TANC2: variants seen among roughly 807,000 people sequenced by gnomAD.
TANC2 encodes protein TANC2.
TANC2 carries 26 observed loss-of-function variants against 210.5 expected under a neutral mutation model. The ratio of observed to expected loss-of-function variants is 0.12; its 90% CI spans 0.09 to 0.17. TANC2 has a LOEUF of 0.17. Ranked by LOEUF, TANC2 falls within the 10% of genes least tolerant of loss-of-function variation. The pLI is 1.00. For missense variants in TANC2, 2,129 were observed against 2,608.9 expected (o/e 0.82, Z 4.01); for synonymous variants, 931 against 967.1 (o/e 0.96, Z 0.69).
At position 63,418,285 on chromosome 17, in the gene TANC2, T is replaced by C; in HGVS notation, c.4168-22T>C. Reference sequence around the variant, plus strand: ...TTTTATATCTCATCAATGACTCATTTGCACACCTATTGTAATGACAGGATT... The same window carrying C: ...TTTTATATCTCATCAATGACTCATTCGCACACCTATTGTAATGACAGGATT... On this transcript the variant is annotated intron_variant, in intron 26 of 27. Transcript: ENST00000689528. The surrounding 1 kb of genome is among the most constrained non-coding windows in gnomAD (Gnocchi z 4.6). 1 of 1,604,966 alleles carries C rather than the reference T, an allele frequency of 6.2e-7. No individual in the cohort carries two copies. Among genetic ancestry groups the C allele is most frequent in the Non-Finnish European group, 8.5e-7 (1 of 1,174,096 alleles).
At chr17:63,400,235 G>A (rs1314851280) in intron 19 of TANC2, among the ~76,000 whole-genome samples, 1 of 152,236 alleles carries the variant, frequency 6.6e-6, no homozygotes, top group Non-Finnish European at 1.5e-5. Context: ...AAAGAGTCGT[G>A]TCCCCATGGT....
Position 63,083,385 on chromosome 17 carries a change from C to T in TANC2, c.139+9371C>T, listed in dbSNP as rs151035562. 2.3e-3 allele frequency among the ~76,000 whole-genome samples: 343 copies of T among 152,234 alleles called. 1 individual carries two copies. The highest frequency in any genetic ancestry group is 9.5e-3 in the East Asian group (49 of 5,166). ...CCTTCTCTCAGACTTCAGGTGCTTG[C>T]CCAGTCACCACTACCATATCCGCCT... On this transcript the variant is annotated intron_variant, in intron 3 of 27. Transcript: ENST00000689528.
At chr17:63,198,853 A>G (rs2041434730) in intron 6 of TANC2, among the ~76,000 whole-genome samples, 1 of 152,198 alleles carries the variant, frequency 6.6e-6, no homozygotes, top group South Asian at 2.1e-4. Flanking sequence ...AAAAAATTGA[A>G]ACTCTCCTCT....
At chr17:63,370,679 T>G (rs902541984) in intron 14 of TANC2, among the ~76,000 whole-genome samples, 3 of 152,184 alleles carry the variant, frequency 2.0e-5, no homozygotes, top group Non-Finnish European at 4.4e-5. Context: ...TTGGAAGAGG[T>G]CTGCCCTGTA....
intron 2 of TANC2, among the ~76,000 whole-genome samples, chr17:63,042,599 G>A (rs2035232193): frequency 6.6e-6 from 1 of 151,992 alleles, no homozygotes; most frequent in African/African-American, 2.4e-5. Flanking sequence ...AATAAACATT[G>A]TATTAAAAAA....
intron 3 of TANC2, among the ~76,000 whole-genome samples, chr17:63,093,424 A>G (rs1333156667): frequency 1.3e-5 from 2 of 152,032 alleles, no homozygotes; most frequent in South Asian, 2.1e-4. Flanking sequence ...AGTTGGCTAT[A>G]TGTGTGGTTC....
chr17:63,382,774 A>G (rs1159757144), intron 15 of TANC2, among the ~76,000 whole-genome samples: 1 of 152,164 alleles, frequency 6.6e-6, no homozygotes, highest in Non-Finnish European at 1.5e-5. Context: ...TCTCATCTAT[A>G]TTTTACACTT....
intron 14 of TANC2, among the ~76,000 whole-genome samples, chr17:63,371,634 C>T (rs2047272190): frequency 6.6e-6 from 1 of 152,126 alleles, no homozygotes; most frequent in African/African-American, 2.4e-5. Context: ...TATTTGTTAG[C>T]ATGTTTTGGT....
intron 3 of TANC2, among the ~76,000 whole-genome samples, chr17:63,077,008 A>G (rs2036593760): frequency 6.6e-6 from 1 of 152,190 alleles, no homozygotes; most frequent in African/African-American, 2.4e-5. Context: ...AATTTTCTTA[A>G]CTGAAGAGCA....
chr17:63,411,042 T>C (rs1259122825), intron 21 of TANC2, among the ~76,000 whole-genome samples: 1 of 151,924 alleles, frequency 6.6e-6, no homozygotes, highest in African/African-American at 2.4e-5. Context: ...ATGGAGATAG[T>C]TCCTAGAGAA....
intron 1 of TANC2, among the ~76,000 whole-genome samples, chr17:63,007,487 A>C (rs2033673270): frequency 6.6e-6 from 1 of 152,160 alleles, no homozygotes; most frequent in Non-Finnish European, 1.5e-5. Flanking sequence ...TATAAACCTT[A>C]CTATTTGTCT....
chr17:63,374,021 AGTT>A (rs1451133300), intron 14 of TANC2, among the ~76,000 whole-genome samples: 3 of 136,340 alleles, frequency 2.2e-5, no homozygotes, highest in Non-Finnish European at 3.1e-5. Flanking sequence ...TTGATTTTTC[AGTT>A]GTTGTTGGTT....
At chr17:63,258,290 C>T (rs1489070307) in intron 8 of TANC2, among the ~76,000 whole-genome samples, 1 of 152,054 alleles carries the variant, frequency 6.6e-6, no homozygotes, top group Non-Finnish European at 1.5e-5. Context: ...TTTCTTTATC[C>T]TTCACCTTTG....
intron 1 of TANC2, among the ~76,000 whole-genome samples, chr17:62,980,811 C>G (rs1300153940): frequency 1.3e-5 from 2 of 152,196 alleles, no homozygotes; most frequent in East Asian, 3.9e-4. Context: ...AGTCTTAATT[C>G]TTTCATCTCA....
At chr17:62,982,454 A>G (rs569205390) in intron 1 of TANC2, among the ~76,000 whole-genome samples, 1 of 152,252 alleles carries the variant, frequency 6.6e-6, no homozygotes, top group South Asian at 2.1e-4. Flanking sequence ...CAACATTTTG[A>G]TCTTTCAGTC....
chr17:62,995,801 T>C (rs1212945481), intron 1 of TANC2, among the ~76,000 whole-genome samples: 1 of 152,188 alleles, frequency 6.6e-6, no homozygotes, highest in Non-Finnish European at 1.5e-5. Context: ...AGGGAAATTA[T>C]CAAAGATTAT....
chr17:63,385,328 A>C (rs1035899539), intron 15 of TANC2, among the ~76,000 whole-genome samples: 1 of 152,184 alleles, frequency 6.6e-6, no homozygotes, highest in Non-Finnish European at 1.5e-5. Flanking sequence ...CTTGAGGCCC[A>C]CACATATTAT....
chr17:63,282,495 C>T (rs1246093115), intron 9 of TANC2, among the ~76,000 whole-genome samples: 1 of 152,060 alleles, frequency 6.6e-6, no homozygotes, highest in African/African-American at 2.4e-5. Context: ...AGAAACCATC[C>T]ACCAAATAAA....
intron 14 of TANC2, among the ~76,000 whole-genome samples, chr17:63,368,725 CA>C (rs1201407982): frequency 3.3e-5 from 5 of 152,148 alleles, no homozygotes; most frequent in Non-Finnish European, 7.3e-5. Flanking sequence ...AGCAGAAGTC[CA>C]ATTCCCATAA....
Sources: allele counts gnomAD v4.1 joint callset (sites outside exome capture counted in the v4.1 genomes callset), GRCh38; gene constraint gnomAD v4.1.1; non-coding constraint Gnocchi (gnomAD v3.1); transcripts MANE v1.5; gene names NCBI Gene and HGNC (gene_info 2026-07-23, HGNC 2026-07-21).